Variants in PLEKHA2 observed in about 807,000 individuals in gnomAD.
PLEKHA2 encodes the protein pleckstrin homology domain-containing family A member 2.
Under a neutral mutation model 53.2 loss-of-function variants are expected in PLEKHA2, and 28 were observed. That is an observed-to-expected ratio of 0.53 (90% confidence interval 0.39 to 0.72). The LOEUF is 0.72. Ranked by LOEUF, PLEKHA2 falls within the 30% of genes least tolerant of loss-of-function variation. The pLI is 0.00. For missense variants in PLEKHA2, 426 were observed against 537.9 expected, an observed-to-expected ratio of 0.79 and a Z score of 2.06; for synonymous variants, 193 against 196.4, an observed-to-expected ratio of 0.98 and a Z score of 0.14.
intron 3 of PLEKHA2, among the ~76,000 whole-genome samples, chr8:38,939,537 A>G (rs890201569): frequency 3.3e-5 from 5 of 152,202 alleles, no homozygotes; most frequent in Non-Finnish European, 5.9e-5. Flanking sequence ...AGGAAAGCAA[A>G]CAAACAAACC....
chr8:38,963,323 C>G (rs1465674393), intron 10 of PLEKHA2, among the ~76,000 whole-genome samples: 1 of 152,124 alleles, frequency 6.6e-6, no homozygotes, highest in East Asian at 1.9e-4. Flanking sequence ...TTGGCACTTC[C>G]TTTTTTGTTT....
At chr8:38,933,430 T>C (rs1000748379) in intron 2 of PLEKHA2, among the ~76,000 whole-genome samples, 1 of 152,192 alleles carries the variant, frequency 6.6e-6, no homozygotes, top group South Asian at 2.1e-4. Flanking sequence ...CCCATGCCAC[T>C]TGCAGGGCAC....
intron 2 of PLEKHA2, among the ~76,000 whole-genome samples, chr8:38,927,900 G>T (rs1376278584): frequency 6.6e-6 from 1 of 152,070 alleles, no homozygotes; most frequent in Non-Finnish European, 1.5e-5. Context: ...GACGGCTGGG[G>T]ATTTGTCACA....
Position 38,969,534 on chromosome 8 carries a change from C to G in PLEKHA2, c.1029C>G (p.Ala343=), listed in dbSNP as rs370524736. 1.7e-4 allele frequency: 269 copies of G among 1,613,148 alleles called. No individual in the cohort carries two copies. Among genetic ancestry groups the G allele is most frequent in the South Asian group, 5.2e-4 (47 of 90,908 alleles). Reference sequence around the variant, plus strand: ...GGCCACCTTTGGAGGAAAAGAAAGCCCTCTGCAAAGCCCCCTCTGTGGCCT... The same window carrying G: ...GGCCACCTTTGGAGGAAAAGAAAGCGCTCTGCAAAGCCCCCTCTGTGGCCT... ...RGRPPLEEKK[A]LCKAPSVASS... is the part of the protein sequence containing the mutation. The change falls in exon 12 of 12, where the codon GCC becomes GCG. Residue 343 remains alanine, a synonymous_variant. Transcript: ENST00000617275.
chr8:38,950,009 C>G (rs537208459), intron 5 of PLEKHA2, among the ~76,000 whole-genome samples: 1 of 152,216 alleles, frequency 6.6e-6, no homozygotes, highest in South Asian at 2.1e-4. Flanking sequence ...AATGCCTTCT[C>G]CCAGCTTCAT....
chr8:38,930,637 G>A lies in PLEKHA2; in HGVS notation c.142-5357G>A, dbSNP rs183765566. 6.8e-3 allele frequency among the ~76,000 whole-genome samples: 950 copies of A among 139,278 alleles called. 42 individuals are homozygous for A. The highest frequency in any genetic ancestry group is 0.058 in the Admixed American group (828 of 14,248). The allele number at this position is 139,278 out of a possible 152,430, so 91.4% of individuals were successfully genotyped here. On this transcript the variant is annotated intron_variant, in intron 2 of 11. Transcript: ENST00000617275. The stretch of plus-strand genomic sequence containing the variant: ...CGTGGGATCGCTGCCAGCGAGGCAC[G>A]GCACCCCACGGCATGGCATGGCATG...
At chr8:38,958,337 C>A (rs4733893) in intron 10 of PLEKHA2, among the ~76,000 whole-genome samples, 103,778 of 151,546 alleles carry the variant, frequency 0.68, 35,567 homozygotes, top group East Asian at 0.84. Flanking sequence ...AAAAGGGAAA[C>A]AAAAAGAACA....
chr8:38,910,991 T>C (rs1238510228), intron 1 of PLEKHA2, among the ~76,000 whole-genome samples: 1 of 152,138 alleles, frequency 6.6e-6, no homozygotes, highest in African/African-American at 2.4e-5. Flanking sequence ...TTAAAATAAT[T>C]CCAGCATTGT....
intron 1 of PLEKHA2, among the ~76,000 whole-genome samples, chr8:38,905,222 T>C (rs1294357425): frequency 1.3e-5 from 2 of 152,096 alleles, no homozygotes; most frequent in Non-Finnish European, 2.9e-5. Context: ...TTTGGGAGGC[T>C]GAGGTGGGGG....
At position 38,952,361 on chromosome 8, in the gene PLEKHA2, G is replaced by T. The variant is rs769012632; in HGVS notation, c.633+49G>T. On this transcript the variant is annotated intron_variant, in intron 7 of 11. Coordinates refer to ENST00000617275, the MANE Select transcript of PLEKHA2 (RefSeq NM_021623.2). ...ATTGGGGTTCTGGTGACTCCTCAGA[G>T]CCAGTGGCTGTAGACATAGCAGAGG... 8.8e-6 allele frequency: 14 copies of T among 1,591,688 alleles called. No homozygotes were observed. In the Admixed American group the frequency reaches 2.5e-4, roughly 28 times the overall value.
chr8:38,950,799 T>A, intron 5 of PLEKHA2, 51 bp from the exon 6 acceptor site: 1 of 1,579,416 alleles, frequency 6.3e-7, no homozygotes, highest in East Asian at 2.3e-5. Context: ...GGGCTCCCCA[T>A]GTTTCCTAAA....
Position 38,959,890 on chromosome 8 carries a change from G to A in PLEKHA2, c.837+2504G>A, listed in dbSNP as rs1835011693. On this transcript the variant is annotated intron_variant, in intron 10 of 11. Transcript: ENST00000617275. ...GCTGTTGAGAGGAAACACAAGGTTA[G>A]CATAGGTGGTTCAGAGTTTACAGTG... is the stretch of plus-strand genomic sequence containing the variant. 2.6e-5 allele frequency among the ~76,000 whole-genome samples: 4 copies of A among 152,306 alleles called. No homozygotes were observed. In the South Asian group the frequency reaches 8.3e-4, roughly 32 times the overall value.
chr8:38,919,384 G>A (rs1413757156), intron 2 of PLEKHA2, among the ~76,000 whole-genome samples: 1 of 152,160 alleles, frequency 6.6e-6, no homozygotes, highest in Non-Finnish European at 1.5e-5. Flanking sequence ...CTGGCCCTGA[G>A]TGCTGTTAGC....
At chr8:38,935,924 G>C in intron 2 of PLEKHA2, 70 bp from the exon 3 acceptor site, 3 of 1,475,790 alleles carry the variant, frequency 2.0e-6, no homozygotes, top group Middle Eastern at 1.7e-4. Context: ...AACAGAGCTA[G>C]AATCTTGGTC....
chr8:38,951,658 C>T (rs1834846051), intron 6 of PLEKHA2, among the ~76,000 whole-genome samples: 1 of 151,574 alleles, frequency 6.6e-6, no homozygotes, highest in Admixed American at 6.6e-5. Flanking sequence ...GCCACCACGC[C>T]TGGCTAAATT....
chr8:38,940,894 TTA>T (rs147708646), intron 3 of PLEKHA2, among the ~76,000 whole-genome samples: 1 of 124,740 alleles, frequency 8.0e-6, no homozygotes, highest in Non-Finnish European at 1.8e-5. Flanking sequence ...TAATTGGCTA[TTA>T]TATATATATA....
chr8:38,950,782 C>G, intron 5 of PLEKHA2, 68 bp from the exon 6 acceptor site: 4 of 1,551,858 alleles, frequency 2.6e-6, no homozygotes, highest in Non-Finnish European at 2.6e-6. Context: ...CAGCCCCATT[C>G]TGTTTTGGGC....
chr8:38,945,551 G>A (rs931834440), intron 4 of PLEKHA2, among the ~76,000 whole-genome samples: 1 of 152,168 alleles, frequency 6.6e-6, no homozygotes. Context: ...GTGGTTATCA[G>A]ATCTGAAAAT....
At chr8:38,963,253 C>T (rs978194118) in intron 10 of PLEKHA2, among the ~76,000 whole-genome samples, 1 of 152,174 alleles carries the variant, frequency 6.6e-6, no homozygotes, top group Non-Finnish European at 1.5e-5. Flanking sequence ...TTCTTTTGAA[C>T]CGAGCACCAG....
Sources: allele counts gnomAD v4.1 joint callset (sites outside exome capture counted in the v4.1 genomes callset), GRCh38; gene constraint gnomAD v4.1.1; transcripts MANE v1.5; gene names NCBI Gene and HGNC (gene_info 2026-07-23, HGNC 2026-07-21).